The following ULK4 variants were observed in gnomAD, a reference collection of about 807,000 sequenced individuals.
The protein encoded by ULK4 is inactive serine/threonine-protein kinase ULK4.
ULK4 carries 133 observed loss-of-function variants against 160.6 expected under a neutral mutation model. The observed-to-expected ratio is 0.83, with a 90% CI of 0.72 to 0.96. The LOEUF (loss-of-function observed/expected upper bound fraction) is 0.96, where lower values mean the gene tolerates loss of function less well. ULK4 is among the 40% of genes least tolerant of loss of function. ULK4 has a pLI of 0.00. For synonymous variants in ULK4, 534 were observed against 539.8 expected, an observed-to-expected ratio of 0.99 and a Z score of 0.15; for missense variants, 1,580 against 1,499.5, an observed-to-expected ratio of 1.05 and a Z score of -0.89.
intron 34 of ULK4, among the ~76,000 whole-genome samples, chr3:41,430,093 T>C (rs892982252): frequency 4.6e-5 from 7 of 152,050 alleles, no homozygotes; most frequent in East Asian, 3.9e-4. Flanking sequence ...TGAAAACAAA[T>C]AGGAGATAAC....
chr3:41,753,713 C>T (rs889017549), intron 22 of ULK4, among the ~76,000 whole-genome samples: 16 of 152,234 alleles, frequency 1.1e-4, no homozygotes, highest in African/African-American at 3.9e-4. Context: ...CTAATATTGA[C>T]TCCCAAAGGT....
At chr3:41,567,760 G>A (rs1477084714) in intron 31 of ULK4, among the ~76,000 whole-genome samples, 1 of 152,028 alleles carries the variant, frequency 6.6e-6, no homozygotes, top group Non-Finnish European at 1.5e-5. Context: ...ACCACGCCTG[G>A]CATTTAACAT....
intron 35 of ULK4, 116 bp downstream of exon 35, chr3:41,397,963 A>T: frequency 8.4e-7 from 1 of 1,194,712 alleles, no homozygotes; most frequent in Non-Finnish European, 1.2e-6. Flanking sequence ...GGAGTTCTTG[A>T]CAACTCTTGC....
rs183782344 is a variant in ULK4 at position 41,408,486 on chromosome 3, C to A, written c.3493-10222G>T. ...GCGTCTACATAAATGAAAAAACTTC[C>A]CACATTCATACATCAGAAGATTAAA... On this transcript the variant is annotated intron_variant, in intron 34 of 36. Coordinates refer to ENST00000301831, the MANE Select transcript of ULK4 (RefSeq NM_017886.4). Among the ~76,000 whole-genome samples, 42 of 150,928 alleles carry A rather than the reference C, an allele frequency of 2.8e-4. No homozygotes were observed. The Middle Eastern group carries it at 0.014, about 50-fold the overall frequency.
intron 35 of ULK4, among the ~76,000 whole-genome samples, chr3:41,272,423 T>C (rs2079155143): frequency 7.1e-6 from 1 of 139,888 alleles, no homozygotes; most frequent in Non-Finnish European, 1.5e-5. Context: ...CCGCTTTCAA[T>C]AAAGACGTTG....
chr3:41,910,904 A>C (rs1256599192), intron 11 of ULK4, among the ~76,000 whole-genome samples: 1 of 152,174 alleles, frequency 6.6e-6, no homozygotes, highest in Non-Finnish European at 1.5e-5. Flanking sequence ...CAGAGGTTAC[A>C]ATGAACCAAA....
rs67078043 is a variant in ULK4, at chr3:41,721,279, T to TTTTTTTTTTTTGG, written c.2322-3419_2322-3418insCCAAAAAAAAAAA. Among the ~76,000 whole-genome samples the TTTTTTTTTTTTGG allele has an allele frequency of 2.9e-4, 29 of 98,912 alleles. 2 individuals carry two copies. The highest frequency in any genetic ancestry group is 1.4e-3 in the East Asian group (5 of 3,642). The allele number at this position is 98,912 out of a possible 152,430, so 64.9% of individuals were successfully genotyped here. ...AATTTTTTTTTTTTTTTTTTTTTTTTTTTTTGGGTTTTGAACCATGAGTAT... is the reference window on the plus strand; with the variant it reads ...AATTTTTTTTTTTTTTTTTTTTTTTTTTTTTTTTTTTGGTTTTTGGGTTTTGAACCATGAGTAT... On this transcript the variant is annotated intron_variant, in intron 22 of 36. Coordinates refer to ENST00000301831, the MANE Select transcript of ULK4 (RefSeq NM_017886.4).
chr3:41,679,127 C>A (rs1378963233), intron 29 of ULK4, among the ~76,000 whole-genome samples: 1 of 152,054 alleles, frequency 6.6e-6, no homozygotes, highest in Non-Finnish European at 1.5e-5. Flanking sequence ...ATTTTAATGG[C>A]CAATTCATTT....
intron 34 of ULK4, among the ~76,000 whole-genome samples, chr3:41,446,208 T>C (rs549831839): frequency 6.6e-6 from 1 of 152,158 alleles, no homozygotes; most frequent in South Asian, 2.1e-4. Context: ...ATGGCAATCA[T>C]TAAAAAGTCA....
intron 35 of ULK4, among the ~76,000 whole-genome samples, chr3:41,353,541 G>A (rs1029998747): frequency 1.3e-5 from 2 of 151,994 alleles, no homozygotes; most frequent in Non-Finnish European, 2.9e-5. Context: ...GGTAGCTCAT[G>A]ACTGTAGTCC....
intron 35 of ULK4, among the ~76,000 whole-genome samples, chr3:41,306,200 A>G (rs868478776): frequency 0.024 from 841 of 35,496 alleles, 9 homozygotes; most frequent in African/African-American, 0.031. Flanking sequence ...TCAGCCCCCC[A>G]CCCCGCCCGG....
At chr3:41,280,297 C>G (rs927397066) in intron 35 of ULK4, among the ~76,000 whole-genome samples, 1 of 152,138 alleles carries the variant, frequency 6.6e-6, no homozygotes, top group Non-Finnish European at 1.5e-5. Context: ...CTCAGCTCTG[C>G]ACCAAGTGGA....
At chr3:41,388,728 A>G (rs972615884) in intron 35 of ULK4, among the ~76,000 whole-genome samples, 3 of 151,728 alleles carry the variant, frequency 2.0e-5, no homozygotes, top group African/African-American at 7.3e-5. Flanking sequence ...TGTTCCATTG[A>G]TCTATATCTC....
intron 32 of ULK4, among the ~76,000 whole-genome samples, chr3:41,509,176 T>C (rs1024920672): frequency 1.9e-4 from 29 of 151,978 alleles, no homozygotes; most frequent in African/African-American, 7.0e-4. Flanking sequence ...AAATGCAAAA[T>C]GCACTGGAAA....
chr3:41,524,346 A>G (rs116360719), intron 32 of ULK4, among the ~76,000 whole-genome samples: 1,737 of 152,316 alleles, frequency 0.011, 32 homozygotes, highest in Non-Finnish European at 0.014. Flanking sequence ...GTCATTTACT[A>G]AACTAGTCTC....
At chr3:41,260,085 C>T (rs1191924263) in intron 35 of ULK4, 3 of 152,176 alleles carry the variant, frequency 2.0e-5, no homozygotes, top group African/African-American at 4.8e-5. Flanking sequence ...CAAAAATAAA[C>T]CTATCCATCC....
At chr3:41,774,873 C>G (rs906157233) in intron 21 of ULK4, among the ~76,000 whole-genome samples, 2 of 150,440 alleles carry the variant, frequency 1.3e-5, no homozygotes, top group Non-Finnish European at 2.9e-5. Flanking sequence ...CACATATACA[C>G]CATGGAATAC....
chr3:41,399,793 G>A (rs543431338), intron 34 of ULK4, among the ~76,000 whole-genome samples: 4 of 151,974 alleles, frequency 2.6e-5, no homozygotes, highest in Admixed American at 6.6e-5. Flanking sequence ...TTGTGTAGAC[G>A]GGTCTCACCA....
chr3:41,313,230 A>G (rs924479954), intron 35 of ULK4, among the ~76,000 whole-genome samples: 2 of 152,244 alleles, frequency 1.3e-5, no homozygotes, highest in Non-Finnish European at 2.9e-5. Flanking sequence ...TGAGCAAGTT[A>G]TTTAACCTCT....
Sources: allele counts gnomAD v4.1 joint callset (sites outside exome capture counted in the v4.1 genomes callset), GRCh38; gene constraint gnomAD v4.1.1; transcripts MANE v1.5; gene names NCBI Gene and HGNC (gene_info 2026-07-23, HGNC 2026-07-21).